Variants in CACNG3 observed in about 807,000 individuals in gnomAD.
CACNG3 encodes the protein calcium voltage-gated channel auxiliary subunit gamma 3.
CACNG3 carries 3 observed loss-of-function variants against 28.5 expected under a neutral mutation model. The observed-to-expected ratio is 0.11, with a 90% confidence interval of 0.05 to 0.27. CACNG3 has a LOEUF of 0.27. Among genes scored for constraint, CACNG3 ranks in the 10% least tolerant of loss-of-function variants. The pLI, the probability that CACNG3 is intolerant of heterozygous loss-of-function variation, is 1.00. For missense variants in CACNG3, 236 were observed against 414.4 expected (o/e 0.57, Z 3.74); for synonymous variants, 174 against 162.2 (o/e 1.07, Z -0.55).
intron 1 of CACNG3, among the ~76,000 whole-genome samples, chr16:24,286,685 A>G (rs1317343328): frequency 6.6e-6 from 1 of 152,156 alleles, no homozygotes; most frequent in Non-Finnish European, 1.5e-5. Flanking sequence ...TTACTCTCAT[A>G]GTTATGTAAG....
intron 1 of CACNG3, among the ~76,000 whole-genome samples, chr16:24,317,596 A>C (rs187896744): frequency 7.2e-4 from 52 of 71,912 alleles, no homozygotes; most frequent in African/African-American, 3.2e-3. Flanking sequence ...GAAAGAAAGA[A>C]AGAAAGAAAG....
chr16:24,259,738 C>A (rs2238498), intron 1 of CACNG3, among the ~76,000 whole-genome samples: 47,236 of 151,994 alleles, frequency 0.31, 7,684 homozygotes, highest in African/African-American at 0.38. Context: ...CTAGAGGAAA[C>A]CAGGTTTTAC....
intron 1 of CACNG3, among the ~76,000 whole-genome samples, chr16:24,313,735 T>A (rs77698085): frequency 0.026 from 3,976 of 151,844 alleles, 89 homozygotes; most frequent in South Asian, 0.067. Flanking sequence ...GACTTTTATG[T>A]TTTTATTTAT....
At chr16:24,360,872 A>C (rs539739542) in intron 3 of CACNG3, among the ~76,000 whole-genome samples, 1 of 152,098 alleles carries the variant, frequency 6.6e-6, no homozygotes, top group Non-Finnish European at 1.5e-5. Flanking sequence ...CCAGGTTCTT[A>C]GTCTTTCTCT....
chr16:24,357,017 A>C (rs965977317), intron 3 of CACNG3, among the ~76,000 whole-genome samples: 2 of 152,054 alleles, frequency 1.3e-5, no homozygotes, highest in Non-Finnish European at 2.9e-5. Flanking sequence ...CGGGTGGATC[A>C]TGAGGTCAGG....
rs1189692879 is a variant in CACNG3 at position 24,361,633 on chromosome 16, A to G, written c.718A>G (p.Thr240Ala). ...RFRRRSSSRSTEPRSRDLSPI... is the reference protein window; with the variant it reads ...RFRRRSSSRSAEPRSRDLSPI... ...CCGGAGGCGGTCAAGTTCTCGCTCC[A>G]CCGAGCCCAGATCCCGAGACCTGTC... is the stretch of plus-strand genomic sequence containing the variant. Residue 240 changes from threonine (T) to alanine (A), a missense_variant, in exon 4 of 4, where the codon ACC becomes GCC. Physicochemically the swap from Thr to Ala is moderately conservative, Grantham distance 58. Coordinates refer to ENST00000005284, the MANE Select transcript of CACNG3 (RefSeq NM_006539.4). This position sits in a 1 kb window ranked among gnomAD's most constrained non-coding sequence, Gnocchi z 6.8. 1 of 1,613,660 alleles carries G rather than the reference A, an allele frequency of 6.2e-7. No homozygotes were observed. Among genetic ancestry groups the G allele is most frequent in the Non-Finnish European group, 8.5e-7 (1 of 1,179,856 alleles).
intron 1 of CACNG3, among the ~76,000 whole-genome samples, chr16:24,283,197 C>T (rs941222560): frequency 2.0e-5 from 3 of 152,060 alleles, no homozygotes; most frequent in Non-Finnish European, 2.9e-5. Flanking sequence ...GAGTTCTTAT[C>T]ATTTGGTTTT....
chr16:24,268,104 T>A (rs549515799), intron 1 of CACNG3, among the ~76,000 whole-genome samples: 2 of 152,346 alleles, frequency 1.3e-5, no homozygotes, highest in South Asian at 4.1e-4. Flanking sequence ...TAGATACTAC[T>A]ATTACCTCCA....
intron 1 of CACNG3, among the ~76,000 whole-genome samples, chr16:24,299,663 A>G (rs986923955): frequency 2.0e-5 from 3 of 152,208 alleles, no homozygotes; most frequent in African/African-American, 7.2e-5. Context: ...ACTTGTATCT[A>G]TCTTAAGCTG....
At chr16:24,296,118 C>A (rs1359181812) in intron 1 of CACNG3, among the ~76,000 whole-genome samples, 1 of 152,164 alleles carries the variant, frequency 6.6e-6, no homozygotes, top group East Asian at 1.9e-4. Flanking sequence ...CCCAGGATGA[C>A]AAGGTCAGAA....
At chr16:24,344,920 A>G (rs1316790453) in intron 1 of CACNG3, among the ~76,000 whole-genome samples, 1 of 152,172 alleles carries the variant, frequency 6.6e-6, no homozygotes, top group Admixed American at 6.5e-5. Context: ...GGATCCAAAA[A>G]TCAATTCCGT....
At chr16:24,334,769 G>T (rs1003765682) in intron 1 of CACNG3, among the ~76,000 whole-genome samples, 1 of 152,226 alleles carries the variant, frequency 6.6e-6, no homozygotes, top group African/African-American at 2.4e-5. Context: ...GCCAAAATTG[G>T]CATGGCAGGT....
chr16:24,345,787 T>C (rs967138916), intron 1 of CACNG3, among the ~76,000 whole-genome samples: 1 of 152,104 alleles, frequency 6.6e-6, no homozygotes, highest in South Asian at 2.1e-4. Context: ...GTGAACCTCA[T>C]AGCGAGGGAG....
At chr16:24,312,947 G>GAAAGAAAA (rs1899288383) in intron 1 of CACNG3, among the ~76,000 whole-genome samples, 1 of 104,886 alleles carries the variant, frequency 9.5e-6, no homozygotes, top group African/African-American at 3.5e-5. Flanking sequence ...AAGAAAGAAA[G>GAAAGAAAA]AAAGAAAGAG....
chr16:24,268,440 C>T (rs538120533), intron 1 of CACNG3, among the ~76,000 whole-genome samples: 2 of 152,314 alleles, frequency 1.3e-5, no homozygotes, highest in East Asian at 3.9e-4. Context: ...CTCCAACCTG[C>T]TCAATCCTGT....
chr16:24,344,591 C>T (rs1899836011), intron 1 of CACNG3, among the ~76,000 whole-genome samples: 3 of 151,996 alleles, frequency 2.0e-5, no homozygotes, highest in Admixed American at 2.0e-4. Context: ...CTTTTTTTCC[C>T]AATATCAGGG....
chr16:24,312,586 CAGG>C (rs1421733771), intron 1 of CACNG3, among the ~76,000 whole-genome samples: 2 of 152,064 alleles, frequency 1.3e-5, no homozygotes, highest in Non-Finnish European at 2.9e-5. Context: ...GAGGTTAAAG[CAGG>C]AGGATAGCTT....
intron 2 of CACNG3, among the ~76,000 whole-genome samples, chr16:24,352,663 C>T (rs1177962061): frequency 6.6e-6 from 1 of 152,026 alleles, no homozygotes; most frequent in East Asian, 1.9e-4. Context: ...CTCAGCACCC[C>T]CAAGCAGCTG....
intron 1 of CACNG3, among the ~76,000 whole-genome samples, chr16:24,339,932 A>G (rs1199574978): frequency 1.3e-5 from 2 of 152,346 alleles, no homozygotes; most frequent in African/African-American, 2.4e-5. Flanking sequence ...AGGGAGGAAT[A>G]CATTCTAATA....
Sources: allele counts gnomAD v4.1 joint callset (sites outside exome capture counted in the v4.1 genomes callset), GRCh38; gene constraint gnomAD v4.1.1; non-coding constraint Gnocchi (gnomAD v3.1); transcripts MANE v1.5; gene names NCBI Gene and HGNC (gene_info 2026-07-23, HGNC 2026-07-21).